DSCAM: variants seen among roughly 807,000 people sequenced by gnomAD.
The protein encoded by DSCAM is cell adhesion molecule DSCAM.
A neutral mutation model predicts 217.7 loss-of-function variants in DSCAM; 47 were observed. The ratio of observed to expected loss-of-function variants is 0.22; its 90% CI spans 0.17 to 0.28. DSCAM has a LOEUF of 0.28. Ranked by LOEUF, DSCAM falls within the 10% of genes least tolerant of loss-of-function variation. DSCAM has a pLI of 1.00. For missense variants in DSCAM, 2,080 were observed against 2,618.3 expected, an observed-to-expected ratio of 0.79 and a Z score of 4.49; for synonymous variants, 1,056 against 1,015.3, an observed-to-expected ratio of 1.04 and a Z score of -0.76.
intron 3 of DSCAM, among the ~76,000 whole-genome samples, chr21:40,498,611 ATATGTATATATGCAC>A (rs1428363765): frequency 4.3e-5 from 6 of 140,814 alleles, no homozygotes; most frequent in African/African-American, 1.5e-4. Context: ...TATATATATA[ATATGTATATATGCAC>A]TATGTATATA....
At chr21:40,298,846 C>T (rs894446406) in intron 9 of DSCAM, among the ~76,000 whole-genome samples, 4 of 152,140 alleles carry the variant, frequency 2.6e-5, no homozygotes, top group Non-Finnish European at 5.9e-5. Flanking sequence ...ATCCATTACT[C>T]CTCCCCTCAA....
At position 40,026,205 on chromosome 21, in the gene DSCAM, G is replaced by T. The variant is rs900361354; in HGVS notation, c.5687-12819C>A. ...TTTTGAGTGAGATTCTTAATCCTGA[G>T]ATCTAGTTTGATTGACCTGTGGTCT... is the stretch of plus-strand genomic sequence containing the variant. On this transcript the variant is annotated intron_variant, in intron 32 of 32. Coordinates refer to ENST00000400454, the MANE Select transcript of DSCAM (RefSeq NM_001389.5). 3.5e-5 allele frequency among the ~76,000 whole-genome samples: 5 copies of T among 141,458 alleles called. 2 individuals are homozygous for T. The highest frequency in any genetic ancestry group is 1.4e-4 in the Admixed American group (2 of 13,966). 92.8% of individuals were successfully genotyped at this position (141,458 alleles called of 152,430 possible). A position where few individuals can be genotyped will look rare whatever the true frequency, so the allele number is the denominator to read the frequency against.
At position 40,174,080 on chromosome 21, in the gene DSCAM, C is replaced by G. The variant is rs192645256; in HGVS notation, c.2947+4847G>C. ...CATGTGTCACGTGGCTGATCCGTGT[C>G]AAAGAGACACACTTCGGGTCCATTA... is the stretch of plus-strand genomic sequence containing the variant. On this transcript the variant is annotated intron_variant, in intron 15 of 32. Transcript: ENST00000400454. 2.0e-5 allele frequency among the ~76,000 whole-genome samples: 3 copies of G among 152,218 alleles called. No homozygotes were observed. The East Asian group carries it at 5.8e-4, about 29-fold the overall frequency.
chr21:40,292,189 T>A (rs1409821494), intron 10 of DSCAM, among the ~76,000 whole-genome samples: 1 of 138,346 alleles, frequency 7.2e-6, no homozygotes, highest in African/African-American at 3.3e-5. Flanking sequence ...TAATGACTTT[T>A]TTTTTTTTTT....
At chr21:40,837,715 G>A (rs2837854) in intron 1 of DSCAM, among the ~76,000 whole-genome samples, 46,298 of 152,114 alleles carry the variant, frequency 0.3, 7,074 homozygotes, top group South Asian at 0.41. Context: ...AAATAGACAA[G>A]TGACTAGCCT....
At position 40,291,335 on chromosome 21, in the gene DSCAM, T is replaced by A. The variant is rs1479847285; in HGVS notation, c.2182+4720A>T. ...TTAAAGCATGAGGCAGATCACACCATCTCTCTCCAATTACCCAGCTAGCCT... is the reference window on the plus strand; with the variant it reads ...TTAAAGCATGAGGCAGATCACACCAACTCTCTCCAATTACCCAGCTAGCCT... On this transcript the variant is annotated intron_variant, in intron 10 of 32. Transcript: ENST00000400454. 2.6e-5 allele frequency among the ~76,000 whole-genome samples: 4 copies of A among 152,182 alleles called. No homozygotes were observed. In the East Asian group the frequency reaches 7.7e-4, roughly 29 times the overall value.
At chr21:40,349,721 A>C (rs1354561843) in intron 5 of DSCAM, among the ~76,000 whole-genome samples, 1 of 152,216 alleles carries the variant, frequency 6.6e-6, no homozygotes, top group Non-Finnish European at 1.5e-5. Context: ...AATCAAAACA[A>C]AACAAAACAA....
chr21:40,344,914 T>C (rs558357363), intron 6 of DSCAM, among the ~76,000 whole-genome samples: 1 of 152,342 alleles, frequency 6.6e-6, no homozygotes, highest in African/African-American at 2.4e-5. Flanking sequence ...TGTCACGTTA[T>C]CTGATGATGT....
At chr21:40,532,888 G>C (rs865823288) in intron 3 of DSCAM, among the ~76,000 whole-genome samples, 2 of 151,374 alleles carry the variant, frequency 1.3e-5, no homozygotes, top group African/African-American at 4.9e-5. Context: ...GTGTGTGTGT[G>C]TGTGTGTGTG....
chr21:40,822,376 T>G (rs888948178), intron 1 of DSCAM, among the ~76,000 whole-genome samples: 1 of 151,020 alleles, frequency 6.6e-6, no homozygotes, highest in Non-Finnish European at 1.5e-5. Flanking sequence ...GAGCTCATTT[T>G]ATAATCTAAC....
At chr21:40,113,037 A>G (rs1201821402) in intron 20 of DSCAM, among the ~76,000 whole-genome samples, 1 of 152,216 alleles carries the variant, frequency 6.6e-6, no homozygotes, top group Non-Finnish European at 1.5e-5. Flanking sequence ...ATCAATAGAA[A>G]AAGAGGAAAT....
chr21:40,412,550 T>C lies in DSCAM; in HGVS notation c.509-43305A>G, dbSNP rs532682059. On this transcript the variant is annotated intron_variant, in intron 3 of 32. Coordinates refer to ENST00000400454, the MANE Select transcript of DSCAM (RefSeq NM_001389.5). ...TGGCATTTTGCCCCTGCCCTAGAGA[T>C]CTGTGGAACTTTGAACTTGACAGAT... is the stretch of plus-strand genomic sequence containing the variant. 4.6e-5 allele frequency among the ~76,000 whole-genome samples: 7 copies of C among 152,272 alleles called. No homozygotes were observed. The East Asian group carries it at 1.2e-3, about 25-fold the overall frequency.
intron 20 of DSCAM, among the ~76,000 whole-genome samples, chr21:40,116,122 AG>A (rs2089967331): frequency 6.6e-6 from 1 of 152,146 alleles, no homozygotes; most frequent in Non-Finnish European, 1.5e-5. Context: ...ACACACATAG[AG>A]GGGAACAACA....
intron 1 of DSCAM, among the ~76,000 whole-genome samples, chr21:40,783,019 G>A (rs537369515): frequency 9.2e-5 from 14 of 152,264 alleles, no homozygotes; most frequent in Non-Finnish European, 1.6e-4. Flanking sequence ...AACCTGCCAG[G>A]GGAGGTTGCT....
At chr21:40,029,874 C>T (rs1310360373) in intron 32 of DSCAM, among the ~76,000 whole-genome samples, 6 of 152,168 alleles carry the variant, frequency 3.9e-5, no homozygotes, top group South Asian at 2.1e-4. Flanking sequence ...TGCCAAGCCT[C>T]GGGGCTTGCA....
chr21:40,680,509 A>G (rs1050658650), intron 3 of DSCAM, among the ~76,000 whole-genome samples: 4 of 152,224 alleles, frequency 2.6e-5, no homozygotes, highest in Non-Finnish European at 4.4e-5. Flanking sequence ...AATGAAAGAC[A>G]TGCAGAAACC....
At chr21:40,213,245 G>C (rs776697176) in intron 11 of DSCAM, among the ~76,000 whole-genome samples, 1 of 152,010 alleles carries the variant, frequency 6.6e-6, no homozygotes, top group Non-Finnish European at 1.5e-5. Flanking sequence ...GGGTATCAAG[G>C]CTTCTAGGGC....
chr21:40,836,368 G>C (rs1238883778), intron 1 of DSCAM, among the ~76,000 whole-genome samples: 1 of 152,216 alleles, frequency 6.6e-6, no homozygotes, highest in Non-Finnish European at 1.5e-5. Context: ...ATGGTGCAAA[G>C]AGATAGATAT....
At chr21:40,263,046 C>T (rs1023164867) in intron 11 of DSCAM, among the ~76,000 whole-genome samples, 2 of 152,036 alleles carry the variant, frequency 1.3e-5, no homozygotes, top group Non-Finnish European at 2.9e-5. Context: ...AAAGAGAAAG[C>T]CAAGATACCT....
Sources: allele counts gnomAD v4.1 joint callset (sites outside exome capture counted in the v4.1 genomes callset), GRCh38; gene constraint gnomAD v4.1.1; transcripts MANE v1.5; gene names NCBI Gene and HGNC (gene_info 2026-07-23, HGNC 2026-07-21).